The following B3GLCT variants were observed in gnomAD, a reference collection of about 807,000 sequenced individuals.
B3GLCT encodes beta 3-glucosyltransferase, also known as beta-1,3-glucosyltransferase.
Under a neutral mutation model 63.4 loss-of-function variants are expected in B3GLCT, and 65 were observed. That is an observed-to-expected ratio of 1.03 (90% CI 0.84 to 1.26). The LOEUF (loss-of-function observed/expected upper bound fraction) is 1.26, where lower values mean the gene tolerates loss of function less well. B3GLCT is among the 50% of genes most tolerant of loss of function. The probability of loss-of-function intolerance (pLI) is 0.00; values close to 1 mark genes in which losing one functional copy is unlikely to be tolerated. For missense variants in B3GLCT, 577 were observed against 604.8 expected (o/e 0.95, Z 0.48); for synonymous variants, 233 against 219.2 (o/e 1.06, Z -0.55).
chr13:31,240,941 T>C (rs1438994437), intron 4 of B3GLCT, among the ~76,000 whole-genome samples: 2 of 152,210 alleles, frequency 1.3e-5, no homozygotes, highest in South Asian at 2.1e-4. Context: ...GAATTTTTTT[T>C]TTATACACAT....
intron 6 of B3GLCT, among the ~76,000 whole-genome samples, chr13:31,251,764 C>T (rs1447339408): frequency 5.9e-5 from 9 of 152,034 alleles, no homozygotes; most frequent in African/African-American, 1.7e-4. Context: ...AAAGTGATGG[C>T]GAGAATGGAA....
At chr13:31,256,920 AAAAG>A (rs1451983536) in intron 6 of B3GLCT, among the ~76,000 whole-genome samples, 1 of 152,184 alleles carries the variant, frequency 6.6e-6, no homozygotes, top group African/African-American at 2.4e-5. Context: ...TTAAAAAAAA[AAAAG>A]CAATAATTCT....
At chr13:31,316,432 A>ATATATATATATATATATATATATATAT (rs1566096056) in intron 12 of B3GLCT, among the ~76,000 whole-genome samples, 32 of 21,404 alleles carry the variant, frequency 1.5e-3, no homozygotes, top group Non-Finnish European at 2.8e-3. Flanking sequence ...TATATATATA[A>ATATATATATATATATATATATATATAT]ATTTTTTTTT....
chr13:31,267,825 T>C (rs1483264073), intron 7 of B3GLCT, among the ~76,000 whole-genome samples: 6 of 152,058 alleles, frequency 3.9e-5, no homozygotes. Flanking sequence ...TATTTTTCCT[T>C]TTTCTTTTAA....
chr13:31,202,068 C>G (rs184322225), intron 1 of B3GLCT, among the ~76,000 whole-genome samples: 2 of 152,152 alleles, frequency 1.3e-5, no homozygotes, highest in East Asian at 1.9e-4. Context: ...TCCCCACTTA[C>G]GATGTTCTTG....
rs1302571359 is a variant in B3GLCT, at chr13:31,330,271, T to C, written c.*603T>C. ...CTGAAGTCTGTAATCATGGTGGTTA[T>C]GTTTTGTCTATTCTTTTGCTGTTTG... On this transcript the variant is annotated 3_prime_UTR_variant, in exon 15 of 15. Coordinates refer to ENST00000343307, the MANE Select transcript of B3GLCT (RefSeq NM_194318.4). 6.6e-6 allele frequency: 1 copy of C among 152,462 alleles called. No homozygotes were observed. The highest frequency in any genetic ancestry group is 2.4e-5 in the African/African-American group (1 of 41,428). The allele number at this position is 152,462 out of a possible 1,614,324, so 9.4% of individuals were successfully genotyped here. A position where few individuals can be genotyped will look rare whatever the true frequency, so the allele number is the denominator to read the frequency against.
rs550363126 is a variant in B3GLCT at position 31,235,815 on chromosome 13, C to T, written c.270+6521C>T. Among the ~76,000 whole-genome samples, 13 of 152,328 alleles carry T rather than the reference C, an allele frequency of 8.5e-5. No individual in the cohort carries two copies. The East Asian group carries it at 2.3e-3, about 27-fold the overall frequency. On this transcript the variant is annotated intron_variant, in intron 4 of 14. Coordinates refer to ENST00000343307, the MANE Select transcript of B3GLCT (RefSeq NM_194318.4). ...ACTAAAATCTGTATGCATTGAACAA[C>T]TCCCCATTCCTCCCTACCCCAACCC... is the stretch of plus-strand genomic sequence containing the variant.
At chr13:31,249,699 C>T (rs1871341495) in intron 6 of B3GLCT, among the ~76,000 whole-genome samples, 1 of 152,158 alleles carries the variant, frequency 6.6e-6, no homozygotes, top group Admixed American at 6.5e-5. Flanking sequence ...TTTTCTCCCT[C>T]TTTTCAGAAC....
At position 31,284,703 on chromosome 13, in the gene B3GLCT, TG is replaced by T; in HGVS notation, c.907del (p.Asp303ThrfsTer33). 1.2e-6 allele frequency: 2 copies of T among 1,611,736 alleles called. No individual in the cohort carries two copies. The highest frequency in any genetic ancestry group is 1.7e-6 in the Non-Finnish European group (2 of 1,177,840). On this transcript the variant is annotated frameshift_variant, in exon 11 of 15. Transcript: ENST00000343307. LOFTEE classifies it high-confidence loss of function. ...SQASLIEYYS[D>X]YTENSIPTVD... ...AGGCAAGTCTCATTGAATACTATAG[TG>T]ACTATACTGAAAATTCCATTCCTAC...
At chr13:31,248,136 T>G (rs1297335913) in intron 6 of B3GLCT, among the ~76,000 whole-genome samples, 170 bp downstream of exon 6, 1 of 152,210 alleles carries the variant, frequency 6.6e-6, no homozygotes, top group Non-Finnish European at 1.5e-5. Flanking sequence ...CTTTGAAGTT[T>G]GTAGCTTATA....
At chr13:31,295,163 T>G (rs934915521) in intron 12 of B3GLCT, among the ~76,000 whole-genome samples, 1 of 152,232 alleles carries the variant, frequency 6.6e-6, no homozygotes, top group African/African-American at 2.4e-5. Flanking sequence ...CAGCAAAGAT[T>G]GCTGCCTTTT....
Position 31,246,876 on chromosome 13 carries a change from C to T in B3GLCT, c.271-147C>T, listed in dbSNP as rs1350424982. On this transcript the variant is annotated intron_variant, in intron 4 of 14. Transcript: ENST00000343307. Reference sequence around the variant, plus strand: ...GAAAAAGAAGTGGTTTGAAGAGTACCATGTCAGGTCTCTAGAAACAGCTGC... The same window carrying T: ...GAAAAAGAAGTGGTTTGAAGAGTACTATGTCAGGTCTCTAGAAACAGCTGC... 3 of 654,304 alleles carry T rather than the reference C, an allele frequency of 4.6e-6. No homozygotes were observed. In the African/African-American group the frequency reaches 5.5e-5, roughly 12 times the overall value. The allele number at this position is 654,304 out of a possible 1,614,324, so 40.5% of individuals were successfully genotyped here. A position where few individuals can be genotyped will look rare whatever the true frequency, so the allele number is the denominator to read the frequency against.
chr13:31,200,141 C>A lies in B3GLCT; in HGVS notation c.57C>A (p.Leu19=). 1 of 1,359,498 alleles carries A rather than the reference C, an allele frequency of 7.4e-7. No homozygotes were observed. The highest frequency in any genetic ancestry group is 9.6e-7 in the Non-Finnish European group (1 of 1,045,840). The allele number at this position is 1,359,498 out of a possible 1,614,324, so 84.2% of individuals were successfully genotyped here. A position where few individuals can be genotyped will look rare whatever the true frequency, so the allele number is the denominator to read the frequency against. Residue 19 remains leucine, a synonymous_variant, in exon 1 of 15, where the codon CTC becomes CTA. Coordinates refer to ENST00000343307, the MANE Select transcript of B3GLCT (RefSeq NM_194318.4). ...CGCCGCCGGCGCTGCTCGCGCTCCTCACCTGCTCCCTGGGTAAGTAGCGGG... is the reference window on the plus strand; with the variant it reads ...CGCCGCCGGCGCTGCTCGCGCTCCTAACCTGCTCCCTGGGTAAGTAGCGGG... ...LLAPPALLAL[L]TCSLAFGLAS...
chr13:31,255,553 A>G lies in B3GLCT; in HGVS notation c.460-5393A>G, dbSNP rs1157521073. Among the ~76,000 whole-genome samples, 4 of 152,208 alleles carry G rather than the reference A, an allele frequency of 2.6e-5. No individual in the cohort carries two copies. In the East Asian group the frequency reaches 7.7e-4, roughly 29 times the overall value. On this transcript the variant is annotated intron_variant, in intron 6 of 14. Coordinates refer to ENST00000343307, the MANE Select transcript of B3GLCT (RefSeq NM_194318.4). Reference sequence around the variant, plus strand: ...ATCATGCTACCTGACTTCAAACTATACTACAAGGCTACAGTAACAAAAACA... The same window carrying G: ...ATCATGCTACCTGACTTCAAACTATGCTACAAGGCTACAGTAACAAAAACA...
chr13:31,221,502 C>G (rs1869811082), intron 2 of B3GLCT, among the ~76,000 whole-genome samples: 1 of 152,204 alleles, frequency 6.6e-6, no homozygotes, highest in Non-Finnish European at 1.5e-5. Flanking sequence ...CCTGTTTCAT[C>G]AGGATTAAGT....
intron 8 of B3GLCT, among the ~76,000 whole-genome samples, chr13:31,269,845 G>A (rs927202303): frequency 2.0e-5 from 3 of 152,136 alleles, no homozygotes; most frequent in South Asian, 2.1e-4. Context: ...CAGGAAGCAG[G>A]CCCTCACCAC....
intron 4 of B3GLCT, among the ~76,000 whole-genome samples, chr13:31,231,984 T>A (rs371689414): frequency 6.6e-6 from 1 of 152,294 alleles, no homozygotes; most frequent in African/African-American, 2.4e-5. Flanking sequence ...GAATGTGTTA[T>A]AGCTTCTCTT....
intron 10 of B3GLCT, 26 bp downstream of exon 10, chr13:31,276,797 T>G (rs747589352): frequency 1.3e-6 from 2 of 1,540,044 alleles, no homozygotes; most frequent in Non-Finnish European, 1.8e-6. Flanking sequence ...TTCATTTTAT[T>G]GAACGCTAAA....
At position 31,200,182 on chromosome 13, in the gene B3GLCT, G is replaced by A. The variant is rs912088760; in HGVS notation, c.70+28G>A. 33 of 1,262,836 alleles carry A rather than the reference G, an allele frequency of 2.6e-5. No homozygotes were observed. The Admixed American group carries it at 9.9e-4, about 38-fold the overall frequency. The allele number at this position is 1,262,836 out of a possible 1,614,324, so 78.2% of individuals were successfully genotyped here. On this transcript the variant is annotated intron_variant, in intron 1 of 14. Coordinates refer to ENST00000343307, the MANE Select transcript of B3GLCT (RefSeq NM_194318.4). Reference sequence around the variant, plus strand: ...AAGTAGCGGGCGGCCAGGCGCGCAAGGGCGAGGCGTGGGGTTCGCGGGCAC... The same window carrying A: ...AAGTAGCGGGCGGCCAGGCGCGCAAAGGCGAGGCGTGGGGTTCGCGGGCAC...
Sources: gnomAD v4.1 joint callset for allele counts (sites outside exome capture counted in the v4.1 genomes callset) on GRCh38, gnomAD v4.1.1 for gene constraint, MANE v1.5 for transcripts, NCBI Gene and HGNC (gene_info 2026-07-23, HGNC 2026-07-21) for gene names.